Variants in HCN4 observed in about 807,000 individuals in gnomAD.
HCN4 encodes hyperpolarization activated cyclic nucleotide gated potassium channel 4.
Under a neutral mutation model 76.9 loss-of-function variants are expected in HCN4, and 29 were observed. The observed-to-expected ratio is 0.38, with a 90% confidence interval of 0.28 to 0.51. HCN4 has a LOEUF of 0.51. HCN4 is among the 20% of genes least tolerant of loss of function. The pLI, the probability that HCN4 is intolerant of heterozygous loss-of-function variation, is 0.90. For missense variants in HCN4, 1,416 were observed against 1,715.2 expected (o/e 0.83, Z 3.08); for synonymous variants, 772 against 762.5 (o/e 1.01, Z -0.21).
rs763669122 is a variant in HCN4, at chr15:73,329,589, C to T, written c.1574G>A (p.Arg525His). Residue 525 changes from arginine (R) to histidine (H), a missense_variant, in exon 4 of 8, where the codon CGC (arginine) becomes CAC (histidine). This residue lies in a region of HCN4 where 241 missense variants were observed against 379.4 expected (regional missense o/e 0.64). Coordinates refer to ENST00000261917, the MANE Select transcript of HCN4 (RefSeq NM_005477.3). ...ALIQSLDSSR[R>H]QYQEKYKQVE... ...TAGACCTACCTTTTCCTGGTACTGG[C>T]GCCGGGAGGAGTCCAGGGACTGGAT... is the stretch of plus-strand genomic sequence containing the variant. 6.2e-7 allele frequency: 1 copy of T among 1,614,056 alleles called. No individual in the cohort carries two copies. The highest frequency in any genetic ancestry group is 8.5e-7 in the Non-Finnish European group (1 of 1,179,974).
chr15:73,358,217 G>A (rs1334731843), intron 1 of HCN4, among the ~76,000 whole-genome samples: 1 of 152,188 alleles, frequency 6.6e-6, no homozygotes, highest in African/African-American at 2.4e-5. Context: ...CAGGAAGCCA[G>A]GCCCCAGGGG....
intron 2 of HCN4, among the ~76,000 whole-genome samples, chr15:73,341,884 CA>C (rs1268920506): frequency 1.3e-5 from 2 of 152,222 alleles, no homozygotes; most frequent in Non-Finnish European, 2.9e-5. Flanking sequence ...TAGGTGCTGC[CA>C]GTCGAGGCCC....
chr15:73,348,010 C>A (rs1012633394), intron 1 of HCN4, among the ~76,000 whole-genome samples: 4 of 152,172 alleles, frequency 2.6e-5, no homozygotes, highest in Non-Finnish European at 5.9e-5. Context: ...GAAGAGGCAA[C>A]TTATAGGCTG....
At chr15:73,363,342 C>A (rs1265446991) in intron 1 of HCN4, among the ~76,000 whole-genome samples, 1 of 152,184 alleles carries the variant, frequency 6.6e-6, no homozygotes, top group Non-Finnish European at 1.5e-5. Flanking sequence ...AGAAACCAGT[C>A]CCAAGGGAGA....
At position 73,325,098 on chromosome 15, in the gene HCN4, C is replaced by G; in HGVS notation, c.1835G>C (p.Arg612Pro). ...GTCCCCAGGCTGGAAGACCTCGAAA[C>G]GCAGCTTGGTCAGCATGGACGTCAC... ...NFVTSMLTKLRFEVFQPGDYI... is the reference protein window; with the variant it reads ...NFVTSMLTKLPFEVFQPGDYI... Residue 612 changes from arginine to proline, a missense_variant, in exon 6 of 8, where the codon CGT (arginine) becomes CCT (proline). Physicochemically the swap from Arg to Pro is moderately radical, Grantham distance 103. This residue lies in a region of HCN4 where 241 missense variants were observed against 379.4 expected (regional missense o/e 0.64). Coordinates refer to ENST00000261917, the MANE Select transcript of HCN4 (RefSeq NM_005477.3). This position sits in a 1 kb window ranked among gnomAD's most constrained non-coding sequence, Gnocchi z 7.4. The G allele has an allele frequency of 6.2e-7, 1 of 1,614,240 alleles. No homozygotes were observed. Among genetic ancestry groups the G allele is most frequent in the Non-Finnish European group, 8.5e-7 (1 of 1,180,048 alleles).
chr15:73,366,402 C>T (rs954687437), intron 1 of HCN4, among the ~76,000 whole-genome samples: 13 of 152,206 alleles, frequency 8.5e-5, no homozygotes, highest in African/African-American at 3.1e-4. Context: ...GATAAGTAGG[C>T]GGCAGGGCCC....
intron 1 of HCN4, among the ~76,000 whole-genome samples, chr15:73,353,557 C>T (rs1356568421): frequency 6.6e-6 from 1 of 152,168 alleles, no homozygotes; most frequent in East Asian, 1.9e-4. Flanking sequence ...CTCCCCTCCT[C>T]ACACCTTGAT....
In HCN4 at chr15:73,329,678, G is replaced by T. The variant is rs2151217005; in HGVS notation, c.1485C>A (p.Thr495=). The T allele has an allele frequency of 6.8e-6, 11 of 1,614,184 alleles. No individual in the cohort carries two copies. The highest frequency in any genetic ancestry group is 9.3e-6 in the Non-Finnish European group (11 of 1,180,002). ...TGGCACCCACGATCATGCTGAGCAT[G>T]GTGAGCCAGACGTCGGACATGCCCA... ...APVGMSDVWL[T]MLSMIVGATC... The change falls in exon 4 of 8, where the codon ACC becomes ACA. Residue 495 remains threonine, a synonymous_variant. Transcript: ENST00000261917.
chr15:73,346,116 G>A (rs144032492), intron 1 of HCN4, among the ~76,000 whole-genome samples: 2 of 152,142 alleles, frequency 1.3e-5, no homozygotes, highest in East Asian at 3.9e-4. Context: ...TCCAGCACTC[G>A]ATCTGGGCTG....
At chr15:73,324,422 G>T (rs1303805514) in intron 6 of HCN4, among the ~76,000 whole-genome samples, 169 bp from the exon 7 acceptor site, 3 of 152,248 alleles carry the variant, frequency 2.0e-5, no homozygotes, top group Admixed American at 6.5e-5. Flanking sequence ...ACCAAATGGG[G>T]GCTGGACAGA....
In HCN4 at chr15:73,323,886, T is replaced by C. The variant is rs1156728495; in HGVS notation, c.2207A>G (p.Tyr736Cys). 1 of 1,603,960 alleles carries C rather than the reference T, an allele frequency of 6.2e-7. No homozygotes were observed. Among genetic ancestry groups the C allele is most frequent in the African/African-American group, 1.3e-5 (1 of 74,916 alleles). Residue 736 changes from tyrosine (Y) to cysteine (C), a missense_variant, in exon 8 of 8, where the codon TAC becomes TGC. By Grantham distance (194) the Tyr-to-Cys change is radical. This residue lies in a region of HCN4 where 241 missense variants were observed against 379.4 expected (regional missense o/e 0.64). Transcript: ENST00000261917. ...CTGCTGGATGATCTCATTCTCCTGG[T>C]AGTTGAAGACGCCGGAGTTGAGGTC... ...QHDLNSGVFN[Y>C]QENEIIQQIV... is the part of the protein sequence containing the mutation.
rs1595818885 is a variant in HCN4 at position 73,322,215 on chromosome 15, C to T, written c.*266G>A. Reference sequence around the variant, plus strand: ...GGAGACCCCATCTGCCTTTCTCTGGCTTTTGCATTTGGGACCTGCCTGCTC... The same window carrying T: ...GGAGACCCCATCTGCCTTTCTCTGGTTTTTGCATTTGGGACCTGCCTGCTC... On this transcript the variant is annotated 3_prime_UTR_variant, in exon 8 of 8. Transcript: ENST00000261917. 3 of 381,962 alleles carry T rather than the reference C, an allele frequency of 7.9e-6. No individual in the cohort carries two copies. Among genetic ancestry groups the T allele is most frequent in the Non-Finnish European group, 1.5e-5 (3 of 201,002 alleles). 23.7% of individuals were successfully genotyped at this position (381,962 alleles called of 1,614,324 possible).
chr15:73,345,946 A>G (rs1446724985), intron 1 of HCN4, among the ~76,000 whole-genome samples: 4 of 152,180 alleles, frequency 2.6e-5, no homozygotes, highest in Admixed American at 6.5e-5. Flanking sequence ...CCCCAGCTCT[A>G]GTTCCCTCAA....
Position 73,343,257 on chromosome 15 carries a change from C to T in HCN4, c.1209+128G>A. 1 of 844,182 alleles carries T rather than the reference C, an allele frequency of 1.2e-6. No homozygotes were observed. The highest frequency in any genetic ancestry group is 1.9e-6 in the Non-Finnish European group (1 of 513,708). The allele number at this position is 844,182 out of a possible 1,614,324, so 52.3% of individuals were successfully genotyped here. On this transcript the variant is annotated intron_variant, in intron 2 of 7. Coordinates refer to ENST00000261917, the MANE Select transcript of HCN4 (RefSeq NM_005477.3). This position sits in a 1 kb window ranked among gnomAD's most constrained non-coding sequence, Gnocchi z 5.7. The stretch of plus-strand genomic sequence containing the variant: ...AGGTCAAGAACTTACTAGTATTTGT[C>T]CTCTTGGAGCAGGTGTGCCTGCCAC...
At chr15:73,359,828 T>G (rs2043097203) in intron 1 of HCN4, among the ~76,000 whole-genome samples, 1 of 152,234 alleles carries the variant, frequency 6.6e-6, no homozygotes, top group East Asian at 1.9e-4. Context: ...ATAGATCACG[T>G]GACCATTTCT....
intron 6 of HCN4, among the ~76,000 whole-genome samples, chr15:73,324,750 T>C (rs1206981289): frequency 6.6e-6 from 1 of 152,024 alleles, no homozygotes; most frequent in Non-Finnish European, 1.5e-5. Flanking sequence ...GACACATACA[T>C]TTCTGCAGTT....
At chr15:73,350,132 C>T (rs1003577054) in intron 1 of HCN4, among the ~76,000 whole-genome samples, 1 of 152,206 alleles carries the variant, frequency 6.6e-6, no homozygotes, top group African/African-American at 2.4e-5. Context: ...ACCTGTTTTT[C>T]AGAGTCCTGG....
intron 1 of HCN4, among the ~76,000 whole-genome samples, chr15:73,360,656 G>A (rs551071593): frequency 2.4e-4 from 37 of 152,066 alleles, no homozygotes; most frequent in African/African-American, 8.0e-4. Context: ...TTTCCTCGTC[G>A]GAGGCTTATC....
chr15:73,321,062 C>T lies in HCN4; in HGVS notation c.*1419G>A, dbSNP rs1368365106. On this transcript the variant is annotated 3_prime_UTR_variant, in exon 8 of 8. Transcript: ENST00000261917. Reference sequence around the variant, plus strand: ...ACCATGGTATGTGCCAGGCGCTGGGCTGGGCATTTCACATATAGATTTTTC... The same window carrying T: ...ACCATGGTATGTGCCAGGCGCTGGGTTGGGCATTTCACATATAGATTTTTC... 2 of 152,226 alleles carry T rather than the reference C, an allele frequency of 1.3e-5. No individual in the cohort carries two copies. Among genetic ancestry groups the T allele is most frequent in the African/African-American group, 4.8e-5 (2 of 41,454 alleles). The allele number at this position is 152,226 out of a possible 1,614,324, so 9.4% of individuals were successfully genotyped here. A position where few individuals can be genotyped will look rare whatever the true frequency, so the allele number is the denominator to read the frequency against.
Sources: allele counts gnomAD v4.1 joint callset (sites outside exome capture counted in the v4.1 genomes callset), GRCh38; gene constraint gnomAD v4.1.1; regional missense constraint gnomAD v4.1.1; non-coding constraint Gnocchi (gnomAD v3.1); transcripts MANE v1.5; gene names NCBI Gene and HGNC (gene_info 2026-07-23, HGNC 2026-07-21).